The following AFF3 variants were observed in gnomAD, a reference collection of about 807,000 sequenced individuals.
The protein encoded by AFF3 is AF4/FMR2 family member 3.
A neutral mutation model predicts 129.7 loss-of-function variants in AFF3; 32 were observed. The observed-to-expected ratio is 0.25, with a 90% CI of 0.19 to 0.33. The LOEUF (loss-of-function observed/expected upper bound fraction) is 0.33. Among genes scored for constraint, AFF3 ranks in the 10% least tolerant of loss-of-function variants. The pLI is 1.00. For synonymous variants in AFF3, 644 were observed against 635.4 expected, an observed-to-expected ratio of 1.01 and a Z score of -0.20; for missense variants, 1,373 against 1,592.0, an observed-to-expected ratio of 0.86 and a Z score of 2.34.
At chr2:99,553,941 AG>A (rs1575329405) in intron 24 of AFF3, among the ~76,000 whole-genome samples, 58 of 147,354 alleles carry the variant, frequency 3.9e-4, no homozygotes, top group South Asian at 6.4e-4. Flanking sequence ...AAAAAAAAAA[AG>A]AAAAAGAAAA....
At chr2:100,003,393 G>A (rs1559047861) in intron 7 of AFF3, among the ~76,000 whole-genome samples, 1 of 152,158 alleles carries the variant, frequency 6.6e-6, no homozygotes, top group Non-Finnish European at 1.5e-5. Flanking sequence ...CATTCTAGAG[G>A]GCATGCTTTG....
chr2:99,641,981 C>T (rs1351822294), intron 13 of AFF3, among the ~76,000 whole-genome samples: 1 of 152,170 alleles, frequency 6.6e-6, no homozygotes, highest in Non-Finnish European at 1.5e-5. Context: ...ATTTTTGTGT[C>T]TTCTATAGAG....
chr2:100,062,651 G>A (rs17023456), intron 4 of AFF3, among the ~76,000 whole-genome samples: 2 of 152,118 alleles, frequency 1.3e-5, no homozygotes, highest in South Asian at 2.1e-4. Context: ...CAGTACCCCC[G>A]CAGGACAGCA....
chr2:99,842,150 T>C (rs1435606796), intron 7 of AFF3, among the ~76,000 whole-genome samples: 1 of 152,162 alleles, frequency 6.6e-6, no homozygotes, highest in African/African-American at 2.4e-5. Flanking sequence ...TTCCACCTTA[T>C]CTTTTCCAAA....
In AFF3 at chr2:99,594,214, G is replaced by A. The variant is rs1392310045; in HGVS notation, c.1447C>T (p.Leu483=). 6.2e-7 allele frequency: 1 copy of A among 1,613,910 alleles called. No individual in the cohort carries two copies. The highest frequency in any genetic ancestry group is 2.2e-5 in the East Asian group (1 of 44,892). ...GACCCGTGGCTTTCATTTTGGATCA[G>A]AATAGGAGGCTTGTGGGGATTAACT... ...NKVNPHKPPI[L]IQNESHGSES... Residue 483 remains leucine, a synonymous_variant, in exon 15 of 25, where the codon CTG becomes TTG. Coordinates refer to ENST00000672756, the MANE Select transcript of AFF3 (RefSeq NM_001386135.1).
chr2:99,572,381 A>C (rs1676583717), intron 18 of AFF3, among the ~76,000 whole-genome samples: 1 of 137,282 alleles, frequency 7.3e-6, no homozygotes, highest in Non-Finnish European at 1.5e-5. Context: ...TGGCATGGGA[A>C]TATTAAAGCA....
chr2:99,706,162 T>C (rs1013426538), intron 11 of AFF3, among the ~76,000 whole-genome samples: 2 of 152,144 alleles, frequency 1.3e-5, no homozygotes, highest in South Asian at 4.1e-4. Flanking sequence ...ATTAGAATCA[T>C]AAGGCAGGTA....
At chr2:99,781,206 A>C (rs1684381451) in intron 8 of AFF3, among the ~76,000 whole-genome samples, 1 of 151,536 alleles carries the variant, frequency 6.6e-6, no homozygotes, top group Non-Finnish European at 1.5e-5. Context: ...CAGCAATGCC[A>C]CTCCCTCCCT....
intron 11 of AFF3, among the ~76,000 whole-genome samples, chr2:99,688,134 G>A (rs905603168): frequency 1.3e-5 from 2 of 152,102 alleles, no homozygotes; most frequent in East Asian, 3.9e-4. Flanking sequence ...GAGCCACTGC[G>A]CCCGGCCCCA....
At position 99,752,221 on chromosome 2, in the gene AFF3, C is replaced by T. The variant is rs746754727; in HGVS notation, c.1002G>A (p.Lys334=). 1 of 1,611,094 alleles carries T rather than the reference C, an allele frequency of 6.2e-7. No homozygotes were observed. The highest frequency in any genetic ancestry group is 1.1e-5 in the South Asian group (1 of 91,002). Residue 334 remains lysine, a splice_region_variant and synonymous_variant, in exon 9 of 25, where the codon AAG becomes AAA. Coordinates refer to ENST00000672756, the MANE Select transcript of AFF3 (RefSeq NM_001386135.1). ...CCTCCTGAGGGATGCAAGATCTCAC[C>T]TTATTTGGAAATGGAAATTTGGTTG... ...VEPTKFPFPN[K]DSQLVSSGHN...
intron 13 of AFF3, among the ~76,000 whole-genome samples, chr2:99,636,358 T>C (rs1010290657): frequency 4.6e-5 from 7 of 152,152 alleles, no homozygotes; most frequent in Admixed American, 1.3e-4. Context: ...GTCGGCTGGA[T>C]TGGGGCCAGT....
chr2:99,992,356 A>G (rs1379579595), intron 7 of AFF3, among the ~76,000 whole-genome samples: 1 of 152,206 alleles, frequency 6.6e-6, no homozygotes, highest in African/African-American at 2.4e-5. Flanking sequence ...AGATTAATCC[A>G]TTTCAGGCTT....
intron 7 of AFF3, among the ~76,000 whole-genome samples, chr2:99,973,461 C>T (rs1311981611): frequency 1.3e-5 from 2 of 152,202 alleles, no homozygotes; most frequent in Admixed American, 1.3e-4. Flanking sequence ...ATTTCCCGAA[C>T]ATTTTTTACC....
intron 13 of AFF3, among the ~76,000 whole-genome samples, chr2:99,610,167 C>T (rs776434747): frequency 9.2e-5 from 14 of 152,174 alleles, no homozygotes; most frequent in Non-Finnish European, 1.8e-4. Flanking sequence ...GGTCTCTTCA[C>T]ACGGACGCGC....
intron 1 of AFF3, 98 bp downstream of exon 1, chr2:100,142,386 C>T (rs1692926183): frequency 6.6e-6 from 1 of 152,312 alleles, no homozygotes. Context: ...ATGGGCACAG[C>T]TACTTAGAGC....
At chr2:99,727,466 T>C (rs530711913) in intron 10 of AFF3, among the ~76,000 whole-genome samples, 24 of 152,254 alleles carry the variant, frequency 1.6e-4, no homozygotes, top group African/African-American at 4.1e-4. Context: ...AATAAATCCA[T>C]TGGCATTCTA....
chr2:99,716,602 G>T (rs532570682), intron 11 of AFF3, among the ~76,000 whole-genome samples: 2 of 149,154 alleles, frequency 1.3e-5, no homozygotes, highest in Admixed American at 6.6e-5. Context: ...ATATATATAG[G>T]CTGGGTGTGG....
chr2:99,776,849 C>T (rs1683940785), intron 8 of AFF3, among the ~76,000 whole-genome samples: 1 of 152,172 alleles, frequency 6.6e-6, no homozygotes, highest in Admixed American at 6.5e-5. Context: ...TGATAGCAGC[C>T]CTGCATAAGG....
chr2:99,548,697 C>G lies in AFF3; in HGVS notation c.*2777G>C, dbSNP rs948467782. 2 of 225,166 alleles carry G rather than the reference C, an allele frequency of 8.9e-6. No individual in the cohort carries two copies. Among genetic ancestry groups the G allele is most frequent in the African/African-American group, 4.5e-5 (2 of 44,880 alleles). The allele number at this position is 225,166 out of a possible 1,614,324, so 13.9% of individuals were successfully genotyped here. A position where few individuals can be genotyped will look rare whatever the true frequency, so the allele number is the denominator to read the frequency against. Reference sequence around the variant, plus strand: ...GTTTGAGGCTGCAGGGAGCCATGATCGCGCCACCGCATTCCAGCTTGGGCT... The same window carrying G: ...GTTTGAGGCTGCAGGGAGCCATGATGGCGCCACCGCATTCCAGCTTGGGCT... On this transcript the variant is annotated 3_prime_UTR_variant, in exon 25 of 25. Transcript: ENST00000672756.
Sources: gnomAD v4.1 joint callset for allele counts (sites outside exome capture counted in the v4.1 genomes callset) on GRCh38, gnomAD v4.1.1 for gene constraint, MANE v1.5 for transcripts, NCBI Gene and HGNC (gene_info 2026-07-23, HGNC 2026-07-21) for gene names.